Variants in XKR9 observed in about 807,000 individuals in gnomAD.
XKR9 encodes XK related 9, also known as XK-related protein 9.
XKR9 carries 32 observed loss-of-function variants against 32.0 expected under a neutral mutation model. The ratio of observed to expected loss-of-function variants is 1.00; its 90% confidence interval spans 0.76 to 1.34. The LOEUF (loss-of-function observed/expected upper bound fraction) is 1.34. XKR9 is among the 40% of genes most tolerant of loss of function. The pLI is 0.00. For synonymous variants in XKR9, 168 were observed against 143.4 expected (o/e 1.17, Z -1.22); for missense variants, 546 against 429.7 (o/e 1.27, Z -2.39).
At chr8:70,738,599 G>A (rs1806906284), downstream of XKR9, among the ~76,000 whole-genome samples, 1 of 151,534 alleles carries the variant, frequency 6.6e-6, no homozygotes, top group African/African-American at 2.4e-5. Flanking sequence ...TTTCTCTTGT[G>A]GGCATTTAGT....
chr8:70,877,627 A>G, the XKR9 span, among the ~76,000 whole-genome samples: 3 of 152,236 alleles, frequency 2.0e-5, no homozygotes, highest in Non-Finnish European at 4.4e-5. Context: ...GAGTAAAAAG[A>G]AACGAACAAA....
At chr8:70,755,151 T>A (rs1430184442) in intron 2 of XKR9, among the ~76,000 whole-genome samples, 3 of 152,086 alleles carry the variant, frequency 2.0e-5, no homozygotes, top group Non-Finnish European at 4.4e-5. Context: ...AAAAGACACA[T>A]GAAAAAATGC....
chr8:70,758,373 A>AT (rs753626123), intron 2 of XKR9, among the ~76,000 whole-genome samples: 22 of 152,188 alleles, frequency 1.4e-4, no homozygotes, highest in South Asian at 6.2e-4. Flanking sequence ...CTGGAATATA[A>AT]TTTTTTCTGT....
At chr8:70,821,538 T>C in the XKR9 span, among the ~76,000 whole-genome samples, 1 of 152,202 alleles carries the variant, frequency 6.6e-6, no homozygotes, top group Admixed American at 6.5e-5. Flanking sequence ...GCAGAGGTTC[T>C]CCATGAGGGC....
At chr8:70,803,514 C>A in the XKR9 span, among the ~76,000 whole-genome samples, 1 of 152,178 alleles carries the variant, frequency 6.6e-6, no homozygotes, top group African/African-American at 2.4e-5. Flanking sequence ...TAAGAAGACA[C>A]TGAGTTTTTG....
chr8:71,010,611 A>T, the XKR9 span, among the ~76,000 whole-genome samples: 1 of 152,170 alleles, frequency 6.6e-6, no homozygotes, highest in Non-Finnish European at 1.5e-5. Context: ...TAAGACAAGA[A>T]GTTGCTGGGA....
the XKR9 span, among the ~76,000 whole-genome samples, chr8:70,908,661 T>C: frequency 5.3e-5 from 8 of 152,226 alleles, no homozygotes; most frequent in African/African-American, 1.7e-4. Flanking sequence ...ATAGACACTA[T>C]GTAAACAAAT....
chr8:71,043,383 T>C, the XKR9 span, among the ~76,000 whole-genome samples: 11 of 152,292 alleles, frequency 7.2e-5, no homozygotes, highest in African/African-American at 2.2e-4. Context: ...GTAGGAGATA[T>C]TGCAAGTCCT....
At chr8:71,038,287 TTCTCTCTC>T in the XKR9 span, among the ~76,000 whole-genome samples, 1 of 148,634 alleles carries the variant, frequency 6.7e-6, no homozygotes, top group East Asian at 1.9e-4. Flanking sequence ...TTCTTTTCTT[TTCTCTCTC>T]TCTCTCTCTC....
At chr8:71,037,891 A>G in the XKR9 span, among the ~76,000 whole-genome samples, 4 of 152,230 alleles carry the variant, frequency 2.6e-5, no homozygotes, top group Non-Finnish European at 5.9e-5. Context: ...GTCTCCTTAT[A>G]TGGGTAAACT....
chr8:70,929,611 T>C, the XKR9 span, among the ~76,000 whole-genome samples: 1 of 152,222 alleles, frequency 6.6e-6, no homozygotes, highest in Non-Finnish European at 1.5e-5. Context: ...CTTGTGGTTG[T>C]ACGACTAAGG....
chr8:70,702,111 T>C (rs1324871979), intron 3 of XKR9, among the ~76,000 whole-genome samples: 2 of 152,150 alleles, frequency 1.3e-5, no homozygotes, highest in Admixed American at 6.5e-5. Context: ...GAACTCTCCT[T>C]CTTACCTATT....
At chr8:70,852,432 A>T in the XKR9 span, among the ~76,000 whole-genome samples, 1 of 152,192 alleles carries the variant, frequency 6.6e-6, no homozygotes, top group African/African-American at 2.4e-5. Context: ...CAATCCCATT[A>T]CGGGATTATA....
the XKR9 span, among the ~76,000 whole-genome samples, chr8:70,853,688 CCA>C: frequency 1.4e-3 from 218 of 152,232 alleles, no homozygotes; most frequent in African/African-American, 5.1e-3. Flanking sequence ...TCCCCCCACC[CCA>C]CAACAGGCCC....
the XKR9 span, among the ~76,000 whole-genome samples, chr8:70,919,055 G>A: frequency 3.3e-5 from 5 of 151,934 alleles, no homozygotes; most frequent in African/African-American, 1.2e-4. Flanking sequence ...GGGATTACAG[G>A]CGTGAGCCAC....
At chr8:70,968,877 G>A in the XKR9 span, among the ~76,000 whole-genome samples, 1 of 152,196 alleles carries the variant, frequency 6.6e-6, no homozygotes, top group Non-Finnish European at 1.5e-5. Flanking sequence ...CATGTAGGAG[G>A]TGTCTTGAGA....
chr8:70,768,181 T>G (rs1336804062), intron 2 of XKR9, among the ~76,000 whole-genome samples: 2 of 152,176 alleles, frequency 1.3e-5, no homozygotes, highest in African/African-American at 4.8e-5. Flanking sequence ...GTTATTTACC[T>G]AGTAGTGATT....
chr8:70,953,167 C>T, the XKR9 span, among the ~76,000 whole-genome samples: 1 of 152,130 alleles, frequency 6.6e-6, no homozygotes, highest in East Asian at 1.9e-4. Flanking sequence ...GACTTTGAAA[C>T]AAGAAAGAGG....
intron 4 of XKR9, among the ~76,000 whole-genome samples, chr8:70,724,387 G>A (rs1265304073): frequency 6.7e-6 from 1 of 149,926 alleles, no homozygotes; most frequent in Non-Finnish European, 1.5e-5. Context: ...CCAGGGGAGT[G>A]AACAGTTCTG....
Sources: gnomAD v4.1 joint callset for allele counts (sites outside exome capture counted in the v4.1 genomes callset) on GRCh38, gnomAD v4.1.1 for gene constraint, MANE v1.5 for transcripts, NCBI Gene and HGNC (gene_info 2026-07-23, HGNC 2026-07-21) for gene names.